Variants in COX7B2 observed in about 807,000 individuals in gnomAD.
COX7B2 encodes the protein cytochrome c oxidase subunit 7B2.
For synonymous variants in COX7B2, 37 were observed against 32.1 expected (o/e 1.15, Z -0.51); for missense variants, 109 against 95.9 (o/e 1.14, Z -0.57).
chr4:46,830,632 T>A (rs939325792), intron 2 of COX7B2, among the ~76,000 whole-genome samples: 1 of 152,184 alleles, frequency 6.6e-6, no homozygotes, highest in Non-Finnish European at 1.5e-5. Context: ...TTGTATTGGT[T>A]GAGGCAATGC....
intron 1 of COX7B2, among the ~76,000 whole-genome samples, chr4:46,849,142 A>C (rs987084885): frequency 2.0e-5 from 3 of 152,084 alleles, no homozygotes; most frequent in Non-Finnish European, 4.4e-5. Flanking sequence ...CTAACTATAC[A>C]CACACAGACA....
At chr4:46,818,345 T>C (rs1427289478) in intron 2 of COX7B2, among the ~76,000 whole-genome samples, 4 of 152,042 alleles carry the variant, frequency 2.6e-5, no homozygotes, top group Admixed American at 2.6e-4. Flanking sequence ...GAAAACAGAC[T>C]ACTGGAAGCC....
At chr4:46,772,006 C>T (rs1478848128) in intron 2 of COX7B2, among the ~76,000 whole-genome samples, 1 of 152,072 alleles carries the variant, frequency 6.6e-6, no homozygotes, top group African/African-American at 2.4e-5. Flanking sequence ...TTCACTGTGG[C>T]ACTATTCACA....
chr4:46,858,745 T>G (rs895366330), intron 1 of COX7B2, among the ~76,000 whole-genome samples: 4 of 151,948 alleles, frequency 2.6e-5, no homozygotes, highest in African/African-American at 9.7e-5. Flanking sequence ...GTCATAGGAG[T>G]TGTCAAGATT....
At chr4:46,819,791 GAATA>G (rs887974766) in intron 2 of COX7B2, among the ~76,000 whole-genome samples, 2 of 152,198 alleles carry the variant, frequency 1.3e-5, no homozygotes, top group Admixed American at 1.3e-4. Flanking sequence ...ATGTGTGACT[GAATA>G]AATAAATAAA....
chr4:46,805,680 G>C (rs970555206), intron 2 of COX7B2, among the ~76,000 whole-genome samples: 5 of 151,966 alleles, frequency 3.3e-5, no homozygotes, highest in Admixed American at 3.3e-4. Flanking sequence ...GCCCTGTTTG[G>C]TTCTTCATTC....
chr4:46,824,758 A>G (rs1437688867), intron 2 of COX7B2, among the ~76,000 whole-genome samples: 2 of 152,156 alleles, frequency 1.3e-5, no homozygotes, highest in East Asian at 3.9e-4. Context: ...TTCATTGCAT[A>G]AAAAGAACTA....
At chr4:46,886,862 A>C (rs1719112747) in intron 1 of COX7B2, among the ~76,000 whole-genome samples, 1 of 152,202 alleles carries the variant, frequency 6.6e-6, no homozygotes, top group Admixed American at 6.6e-5. Flanking sequence ...CACAGATTTA[A>C]GGAACACTTG....
chr4:46,897,907 T>C (rs1323900898), intron 1 of COX7B2, among the ~76,000 whole-genome samples: 3 of 152,184 alleles, frequency 2.0e-5, no homozygotes, highest in African/African-American at 7.2e-5. Context: ...CACATTAACT[T>C]GACATTATAA....
chr4:46,797,729 A>G (rs1718440170), intron 2 of COX7B2, among the ~76,000 whole-genome samples: 1 of 152,202 alleles, frequency 6.6e-6, no homozygotes, highest in African/African-American at 2.4e-5. Flanking sequence ...AGACAGATGG[A>G]TCTTGAAGAA....
intron 2 of COX7B2, among the ~76,000 whole-genome samples, chr4:46,763,995 T>C (rs1716375941): frequency 6.6e-6 from 1 of 152,090 alleles, no homozygotes; most frequent in African/African-American, 2.4e-5. Flanking sequence ...AGGAAGAGTT[T>C]GGAATTAAAA....
intron 2 of COX7B2, among the ~76,000 whole-genome samples, chr4:46,790,637 T>A (rs1484327989): frequency 6.6e-6 from 1 of 152,186 alleles, no homozygotes; most frequent in Non-Finnish European, 1.5e-5. Flanking sequence ...TTCTAATTAT[T>A]TTTAGCCTGT....
intron 1 of COX7B2, among the ~76,000 whole-genome samples, chr4:46,900,576 AAACAAATAC>A (rs1720022309): frequency 6.6e-6 from 1 of 152,150 alleles, no homozygotes; most frequent in African/African-American, 2.4e-5. Flanking sequence ...AAATTAATAA[AAACAAATAC>A]TGCTATGATT....
chr4:46,803,494 CAT>C (rs1718777475), intron 2 of COX7B2, among the ~76,000 whole-genome samples: 1 of 152,058 alleles, frequency 6.6e-6, no homozygotes, highest in African/African-American at 2.4e-5. Flanking sequence ...TTTCATTAGT[CAT>C]ATTTTTTAAA....
At chr4:46,860,249 A>G (rs1195358553) in intron 1 of COX7B2, among the ~76,000 whole-genome samples, 2 of 152,246 alleles carry the variant, frequency 1.3e-5, no homozygotes, top group African/African-American at 2.4e-5. Context: ...GAGCTGTAGC[A>G]CAGAGACTGT....
At chr4:46,799,420 G>A (rs1183329716) in intron 2 of COX7B2, among the ~76,000 whole-genome samples, 2 of 151,972 alleles carry the variant, frequency 1.3e-5, no homozygotes, top group South Asian at 2.1e-4. Flanking sequence ...AGCGAGGGTG[G>A]GCATCCTTGT....
intron 2 of COX7B2, among the ~76,000 whole-genome samples, chr4:46,762,046 G>C (rs1355809216): frequency 6.6e-6 from 1 of 150,874 alleles, no homozygotes; most frequent in Non-Finnish European, 1.5e-5. Flanking sequence ...GTGACCTTGA[G>C]CAGGGTGCAA....
At chr4:46,812,239 A>G (rs1719319950) in intron 2 of COX7B2, among the ~76,000 whole-genome samples, 1 of 152,128 alleles carries the variant, frequency 6.6e-6, no homozygotes, top group South Asian at 2.1e-4. Context: ...TCCAAAGCAC[A>G]AGAGAATGCA....
intron 1 of COX7B2, among the ~76,000 whole-genome samples, chr4:46,880,094 G>A (rs973202039): frequency 3.9e-5 from 6 of 152,144 alleles, no homozygotes; most frequent in East Asian, 1.9e-4. Flanking sequence ...TGGGTTTGTC[G>A]TAGGTGGCTC....
Sources: allele counts gnomAD v4.1 joint callset (sites outside exome capture counted in the v4.1 genomes callset), GRCh38; gene constraint gnomAD v4.1.1; transcripts MANE v1.5; gene names NCBI Gene and HGNC (gene_info 2026-07-23, HGNC 2026-07-21).